The following SLC25A42 variants were observed in gnomAD, a reference collection of about 807,000 sequenced individuals.
The protein encoded by SLC25A42 is mitochondrial coenzyme A transporter SLC25A42.
In SLC25A42, 19 loss-of-function variants were observed where a neutral mutation model predicts 34.7. That is an observed-to-expected ratio of 0.55 (90% CI 0.38 to 0.80). The LOEUF is 0.80. SLC25A42 is among the 30% of genes least tolerant of loss of function. The pLI, the probability that SLC25A42 is intolerant of heterozygous loss-of-function variation, is 0.00. For missense variants in SLC25A42, 364 were observed against 441.3 expected (o/e 0.82, Z 1.57); for synonymous variants, 205 against 191.2 (o/e 1.07, Z -0.59).
intron 1 of SLC25A42, among the ~76,000 whole-genome samples, chr19:19,083,302 C>T (rs2059690381): frequency 6.6e-6 from 1 of 152,180 alleles, no homozygotes; most frequent in Non-Finnish European, 1.5e-5. Context: ...CCAGATAATC[C>T]AGGACAGTCT....
At chr19:19,080,485 A>G (rs2059675545) in intron 1 of SLC25A42, among the ~76,000 whole-genome samples, 1 of 152,058 alleles carries the variant, frequency 6.6e-6, no homozygotes, top group Admixed American at 6.6e-5. Context: ...CTGCTGATGA[A>G]ATAGGTCCCT....
At chr19:19,088,506 C>T (rs899959649) in intron 1 of SLC25A42, among the ~76,000 whole-genome samples, 4 of 147,472 alleles carry the variant, frequency 2.7e-5, no homozygotes, top group African/African-American at 7.5e-5. Context: ...GCGCCTGGCC[C>T]GAGACGGAGT....
At chr19:19,107,286 C>T (rs561158278) in intron 6 of SLC25A42, among the ~76,000 whole-genome samples, 57 of 149,284 alleles carry the variant, frequency 3.8e-4, no homozygotes, top group Non-Finnish European at 6.7e-4. Context: ...CACTGCACTC[C>T]AGCCGGTCCA....
Position 19,070,682 on chromosome 19 carries a change from G to A in SLC25A42, c.-35+6567G>A, listed in dbSNP as rs914031484. 3.3e-5 allele frequency among the ~76,000 whole-genome samples: 5 copies of A among 152,160 alleles called. No homozygotes were observed. The East Asian group carries it at 9.6e-4, about 29-fold the overall frequency. On this transcript the variant is annotated intron_variant, in intron 1 of 7. Transcript: ENST00000318596. ...CTCATCTTAAGATCCTTAACTGATT[G>A]CATCTGCAAAGACCCTATTTCCAAA...
intron 1 of SLC25A42, among the ~76,000 whole-genome samples, chr19:19,095,711 T>C (rs1173040839): frequency 1.3e-5 from 2 of 152,222 alleles, no homozygotes; most frequent in African/African-American, 4.8e-5. Flanking sequence ...GACAGTGGTA[T>C]TGGCACCGAG....
At chr19:19,082,729 C>T (rs973148750) in intron 1 of SLC25A42, among the ~76,000 whole-genome samples, 2 of 152,014 alleles carry the variant, frequency 1.3e-5, no homozygotes, top group Non-Finnish European at 2.9e-5. Context: ...GGTGTGATCA[C>T]ACCTCGTTGC....
At position 19,088,681 on chromosome 19, in the gene SLC25A42, G is replaced by T. The variant is rs564648969; in HGVS notation, c.-34-7410G>T. ...ATTTTTTTTTTTTTTGTATTTTTTA[G>T]TAGAGACAGGGTTTCACCATGTTAG... On this transcript the variant is annotated intron_variant, in intron 1 of 7. Transcript: ENST00000318596. 1.3e-4 allele frequency among the ~76,000 whole-genome samples: 19 copies of T among 148,336 alleles called. No individual in the cohort carries two copies. In the East Asian group the frequency reaches 2.8e-3, roughly 22 times the overall value.
intron 5 of SLC25A42, 126 bp downstream of exon 5, chr19:19,105,853 A>C: frequency 6.1e-6 from 5 of 821,740 alleles, no homozygotes; most frequent in Non-Finnish European, 9.3e-6. Context: ...TCTTCCCACA[A>C]CGAAACACTG....
intron 1 of SLC25A42, among the ~76,000 whole-genome samples, chr19:19,082,553 AG>A (rs2059686729): frequency 6.6e-6 from 1 of 152,040 alleles, no homozygotes; most frequent in Non-Finnish European, 1.5e-5. Context: ...TGAAAGAGAC[AG>A]GGTTTTGCCA....
Position 19,108,065 on chromosome 19 carries a change from T to C in SLC25A42, c.649+20T>C. ...ACAGAGGTAAGGAGAGCTGGGAGCA[T>C]GAGGAGGGGACGTTCAGGAAGCATT... On this transcript the variant is annotated intron_variant, in intron 7 of 7. Transcript: ENST00000318596. 1 of 1,536,758 alleles carries C rather than the reference T, an allele frequency of 6.5e-7. No homozygotes were observed. The highest frequency in any genetic ancestry group is 8.8e-7 in the Non-Finnish European group (1 of 1,139,022).
intron 7 of SLC25A42, among the ~76,000 whole-genome samples, chr19:19,108,823 T>C (rs1380814909): frequency 6.6e-6 from 1 of 152,166 alleles, no homozygotes; most frequent in Admixed American, 6.5e-5. Flanking sequence ...GGGGTCTCCC[T>C]CTGTTGCCCA....
intron 5 of SLC25A42, 144 bp downstream of exon 5, chr19:19,105,871 C>T: frequency 1.4e-6 from 1 of 719,832 alleles, no homozygotes; most frequent in Non-Finnish European, 2.2e-6. Flanking sequence ...CTGGGAGACT[C>T]CTCACCCAGG....
chr19:19,106,592 C>T (rs1599691049), intron 6 of SLC25A42: 1 of 473,056 alleles, frequency 2.1e-6, no homozygotes, highest in East Asian at 3.8e-5. Flanking sequence ...CTGCTTAGAT[C>T]AAACCAAGGG....
At chr19:19,075,135 A>C in intron 1 of SLC25A42, among the ~76,000 whole-genome samples, 1 of 152,050 alleles carries the variant, frequency 6.6e-6, no homozygotes, top group African/African-American at 2.4e-5. Context: ...CCTGGGTGAC[A>C]GAGTGAGACC....
intron 7 of SLC25A42, 24 bp from the exon 8 acceptor site, chr19:19,110,545 G>T: frequency 5.1e-6 from 7 of 1,379,116 alleles, no homozygotes; most frequent in Non-Finnish European, 6.5e-6. Flanking sequence ...CGCCTTCACG[G>T]CCCTCCCGCC....
At chr19:19,076,406 G>T (rs1169210067) in intron 1 of SLC25A42, among the ~76,000 whole-genome samples, 1 of 152,122 alleles carries the variant, frequency 6.6e-6, no homozygotes. Flanking sequence ...GGAGGTGGAG[G>T]TTGCAGTGAG....
At chr19:19,101,274 G>A (rs1394372558) in intron 2 of SLC25A42, among the ~76,000 whole-genome samples, 1 of 152,158 alleles carries the variant, frequency 6.6e-6, no homozygotes, top group Non-Finnish European at 1.5e-5. Context: ...CCTCAACTGG[G>A]CTGGATGAAG....
intron 1 of SLC25A42, among the ~76,000 whole-genome samples, chr19:19,073,578 C>CT (rs869183295): frequency 0.026 from 3,548 of 138,706 alleles, 122 homozygotes; most frequent in African/African-American, 0.085. Context: ...GAACATGGGG[C>CT]TTTTTTTTTT....
intron 2 of SLC25A42, 61 bp downstream of exon 2, chr19:19,096,266 C>A (rs895450745): frequency 6.1e-5 from 82 of 1,336,084 alleles, no homozygotes; most frequent in Non-Finnish European, 8.1e-5. Flanking sequence ...CCCACCCCCC[C>A]TCCCAGGCTC....
Sources: allele counts gnomAD v4.1 joint callset (sites outside exome capture counted in the v4.1 genomes callset), GRCh38; gene constraint gnomAD v4.1.1; transcripts MANE v1.5; gene names NCBI Gene and HGNC (gene_info 2026-07-23, HGNC 2026-07-21).